The following DDX18 variants were observed in gnomAD, a reference collection of about 807,000 sequenced individuals.
The protein encoded by DDX18 is ATP-dependent RNA helicase DDX18.
A neutral mutation model predicts 73.5 loss-of-function variants in DDX18; 23 were observed. That is an observed-to-expected ratio of 0.31 (90% confidence interval 0.23 to 0.44). DDX18 has a LOEUF of 0.44. Ranked by LOEUF, DDX18 falls within the 20% of genes least tolerant of loss-of-function variation. The probability of loss-of-function intolerance (pLI) is 1.00; values close to 1 mark genes in which losing one functional copy is unlikely to be tolerated. For synonymous variants in DDX18, 268 were observed against 282.7 expected (o/e 0.95, Z 0.52); for missense variants, 753 against 792.9 (o/e 0.95, Z 0.60).
chr2:117,826,441 A>G (rs1340595747), intron 11 of DDX18, 59 bp downstream of exon 11: 76 of 1,496,426 alleles, frequency 5.1e-5, no homozygotes, highest in Non-Finnish European at 6.8e-5. Context: ...AGCAAGCAAC[A>G]TTTCTACATG....
At chr2:117,817,296 A>G in intron 1 of DDX18, 148 bp from the exon 2 acceptor site, 2 of 765,230 alleles carry the variant, frequency 2.6e-6, no homozygotes, top group Admixed American at 3.4e-5. Flanking sequence ...GAACACCATA[A>G]AACTATAAGT....
chr2:117,816,366 C>T (rs1045579798), intron 1 of DDX18, among the ~76,000 whole-genome samples: 1 of 152,218 alleles, frequency 6.6e-6, no homozygotes. Context: ...ATTGTACATA[C>T]AGCTGTACAA....
Position 117,821,176 on chromosome 2 carries a change from C to A in DDX18, c.530C>A (p.Thr177Asn). 6.3e-7 allele frequency: 1 copy of A among 1,588,944 alleles called. No homozygotes were observed. Among genetic ancestry groups the A allele is most frequent in the Non-Finnish European group, 8.5e-7 (1 of 1,170,372 alleles). ...PLGLTGAFED[T>N]SFASLCNLVN... ...TTCTGTTTAGGAGCTTTTGAGGATA[C>A]TTCGTTTGCTTCTCTATGTAATCTT... The change falls in exon 4 of 14, where the codon ACT (threonine) becomes AAT (asparagine). Residue 177 changes from threonine to asparagine, a missense_variant. Thr to Asn is a moderately conservative substitution (Grantham distance 65, BLOSUM62 0). Around this residue, in one of 3 missense-constraint regions of DDX18, gnomAD observed 345 missense variants for 352.0 expected, o/e 0.98. Transcript: ENST00000263239.
At position 117,831,801 on chromosome 2, in the gene DDX18, G is replaced by A. The variant is rs928970602; in HGVS notation, c.*1077G>A. 2.6e-5 allele frequency: 4 copies of A among 152,220 alleles called. No homozygotes were observed. Among genetic ancestry groups the A allele is most frequent in the South Asian group, 2.1e-4 (1 of 4,826 alleles). The allele number at this position is 152,220 out of a possible 1,614,324, so 9.4% of individuals were successfully genotyped here. The stretch of plus-strand genomic sequence containing the variant: ...AGTGATTTAGTCAGATGAGTTTTTC[G>A]TTGTAGGAGCACTTGATTTCTAGTG... On this transcript the variant is annotated 3_prime_UTR_variant, in exon 14 of 14. Coordinates refer to ENST00000263239, the MANE Select transcript of DDX18 (RefSeq NM_006773.4).
intron 3 of DDX18, among the ~76,000 whole-genome samples, chr2:117,820,217 T>C (rs980694068): frequency 2.0e-5 from 3 of 152,258 alleles, no homozygotes; most frequent in Non-Finnish European, 4.4e-5. Context: ...TTGAGTTGTT[T>C]ATTTGGTTTG....
intron 13 of DDX18, 49 bp from the exon 14 acceptor site, chr2:117,830,533 T>C (rs1680004113): frequency 6.3e-7 from 1 of 1,593,514 alleles, no homozygotes; most frequent in Non-Finnish European, 8.5e-7. Flanking sequence ...AGATGTTAGA[T>C]TGGAGTTCAT....
chr2:117,815,155 C>A (rs1019528681), intron 1 of DDX18: 2 of 381,412 alleles, frequency 5.2e-6, no homozygotes, highest in Admixed American at 8.9e-5. Context: ...TTTTGCATTT[C>A]CACCTTAGCT....
chr2:117,827,255 T>C (rs1265220432), intron 11 of DDX18: 2 of 152,262 alleles, frequency 1.3e-5, no homozygotes, highest in Non-Finnish European at 2.9e-5. Context: ...CCTCTGTCTT[T>C]GCTGGGAAGC....
chr2:117,816,673 TAAAC>T (rs928231278), intron 1 of DDX18, among the ~76,000 whole-genome samples: 7 of 152,188 alleles, frequency 4.6e-5, no homozygotes, highest in Admixed American at 1.3e-4. Flanking sequence ...AGTAAACACA[TAAAC>T]AAGTAACATA....
In DDX18 at chr2:117,817,776, C is replaced by T. The variant is rs781708342; in HGVS notation, c.370+48C>T. 13 of 1,534,380 alleles carry T rather than the reference C, an allele frequency of 8.5e-6. No homozygotes were observed. The Admixed American group carries it at 1.0e-4, about 12-fold the overall frequency. On this transcript the variant is annotated intron_variant, in intron 2 of 13. Transcript: ENST00000263239. ...CTTCAGCCATTTAGTTTTTCACAGA[C>T]GGTTATTGTTCCTCTTTCTATTACT...
At chr2:117,823,137 T>C (rs974475770) in intron 7 of DDX18, among the ~76,000 whole-genome samples, 1 of 152,208 alleles carries the variant, frequency 6.6e-6, no homozygotes, top group African/African-American at 2.4e-5. Flanking sequence ...AAGTTTGTTC[T>C]CTTTTAAAGT....
chr2:117,829,266 AC>A, intron 12 of DDX18, 22 bp from the exon 13 acceptor site: 1 of 1,567,986 alleles, frequency 6.4e-7, no homozygotes, highest in Non-Finnish European at 8.6e-7. Flanking sequence ...GTTTATTAAA[AC>A]CAGTGTTTCT....
At chr2:117,829,081 A>G in intron 12 of DDX18, 76 bp downstream of exon 12, 4 of 1,337,230 alleles carry the variant, frequency 3.0e-6, no homozygotes, top group Non-Finnish European at 2.1e-6. Flanking sequence ...TCACTGGGCA[A>G]TCACTGTCCT....
intron 7 of DDX18, 196 bp from the exon 8 acceptor site, chr2:117,824,373 C>T (rs1173453966): frequency 4.7e-6 from 2 of 428,648 alleles, no homozygotes; most frequent in Non-Finnish European, 7.7e-6. Flanking sequence ...GGAGTTTGTC[C>T]ATTTCATCTA....
intron 1 of DDX18, among the ~76,000 whole-genome samples, chr2:117,816,610 AT>A (rs530419188): frequency 2.6e-5 from 4 of 151,484 alleles, no homozygotes; most frequent in African/African-American, 7.3e-5. Context: ...CAGTCGACTC[AT>A]TTTTTTTTAA....
chr2:117,820,567 T>C (rs935960859), intron 3 of DDX18, among the ~76,000 whole-genome samples: 1 of 152,210 alleles, frequency 6.6e-6, no homozygotes, highest in Non-Finnish European at 1.5e-5. Flanking sequence ...CAGCAAAGAA[T>C]TATTCAGCCC....
chr2:117,823,974 C>A (rs1254901784), intron 7 of DDX18, among the ~76,000 whole-genome samples: 1 of 152,084 alleles, frequency 6.6e-6, no homozygotes, highest in African/African-American at 2.4e-5. Context: ...ACCTGCATTT[C>A]TAGAATAAAC....
intron 11 of DDX18, chr2:117,828,689 A>C: frequency 2.0e-5 from 8 of 407,638 alleles, no homozygotes; most frequent in Non-Finnish European, 2.7e-5. Flanking sequence ...TCAGGATTAT[A>C]GAGATTCTTA....
At chr2:117,820,229 G>A (rs1464894122) in intron 3 of DDX18, among the ~76,000 whole-genome samples, 2 of 152,186 alleles carry the variant, frequency 1.3e-5, no homozygotes, top group Non-Finnish European at 2.9e-5. Context: ...TTTGGTTTGG[G>A]TTGGTTGGTT....
Sources: allele counts gnomAD v4.1 joint callset (sites outside exome capture counted in the v4.1 genomes callset), GRCh38; gene constraint gnomAD v4.1.1; regional missense constraint gnomAD v4.1.1; transcripts MANE v1.5; gene names NCBI Gene and HGNC (gene_info 2026-07-23, HGNC 2026-07-21).